DPT: variants seen among roughly 807,000 people sequenced by gnomAD.
DPT encodes tyrosine-rich acidic matrix protein.
DPT carries 21 observed loss-of-function variants against 31.2 expected under a neutral mutation model. That is an observed-to-expected ratio of 0.67 (90% CI 0.48 to 0.97). The LOEUF (loss-of-function observed/expected upper bound fraction) is 0.97. Ranked by LOEUF, DPT falls within the 50% of genes least tolerant of loss-of-function variation. The probability of loss-of-function intolerance (pLI) is 0.00; values close to 1 mark genes in which losing one functional copy is unlikely to be tolerated. For synonymous variants in DPT, 91 were observed against 86.9 expected (o/e 1.05, Z -0.26); for missense variants, 262 against 258.8 (o/e 1.01, Z -0.08).
At chr1:168,726,285 G>C (rs951601382) in intron 1 of DPT, among the ~76,000 whole-genome samples, 2 of 152,188 alleles carry the variant, frequency 1.3e-5, no homozygotes, top group Non-Finnish European at 2.9e-5. Flanking sequence ...ATAAAATCAT[G>C]TTATTTCACC....
chr1:168,700,469 C>G (rs916305356), intron 3 of DPT, among the ~76,000 whole-genome samples: 3 of 152,186 alleles, frequency 2.0e-5, no homozygotes, highest in African/African-American at 7.2e-5. Flanking sequence ...TATCTCCAAT[C>G]CCTTTTCTTT....
intron 2 of DPT, among the ~76,000 whole-genome samples, chr1:168,708,808 C>G (rs1232215200): frequency 6.6e-6 from 1 of 152,106 alleles, no homozygotes; most frequent in African/African-American, 2.4e-5. Context: ...TGTTCATGTC[C>G]CTAAAACAGC....
At chr1:168,720,079 C>G (rs1024877034) in intron 1 of DPT, among the ~76,000 whole-genome samples, 1 of 151,886 alleles carries the variant, frequency 6.6e-6, no homozygotes, top group Non-Finnish European at 1.5e-5. Context: ...GGGAAAGAGC[C>G]CTTGTTGAGG....
In DPT at chr1:168,729,176, C is replaced by T; in HGVS notation, c.-2G>A. On this transcript the variant is annotated 5_prime_UTR_variant, in exon 1 of 4. Transcript: ENST00000367817. ...TACCCAGAGAAGACTGAGGTCCATG[C>T]TGCCTGGGATTTTGGCAAACAATGT... The T allele has an allele frequency of 6.2e-7, 1 of 1,611,012 alleles. No individual in the cohort carries two copies. Among genetic ancestry groups the T allele is most frequent in the East Asian group, 2.2e-5 (1 of 44,786 alleles).
At position 168,700,114 on chromosome 1, in the gene DPT, T is replaced by C. The variant is rs927900935; in HGVS notation, c.539+903A>G. On this transcript the variant is annotated intron_variant, in intron 3 of 3. Transcript: ENST00000367817. Reference sequence around the variant, plus strand: ...AATGTTGGTGTCCCCTTAAAATTTATATATTGGAACCTAATACTCAATGTG... The same window carrying C: ...AATGTTGGTGTCCCCTTAAAATTTACATATTGGAACCTAATACTCAATGTG... Among the ~76,000 whole-genome samples, 12 of 152,236 alleles carry C rather than the reference T, an allele frequency of 7.9e-5. No homozygotes were observed. The East Asian group carries it at 1.5e-3, about 20-fold the overall frequency.
intron 2 of DPT, among the ~76,000 whole-genome samples, chr1:168,710,194 G>A (rs145140927): frequency 5.1e-4 from 78 of 152,288 alleles, no homozygotes; most frequent in African/African-American, 1.6e-3. Flanking sequence ...GTGTACCATG[G>A]TGCACACTTG....
At chr1:168,726,415 T>C (rs115208336) in intron 1 of DPT, among the ~76,000 whole-genome samples, 1,663 of 152,312 alleles carry the variant, frequency 0.011, 13 homozygotes, top group Non-Finnish European at 0.017. Context: ...AACACAAAGA[T>C]CAACAGAATG....
intron 1 of DPT, among the ~76,000 whole-genome samples, chr1:168,718,924 C>T (rs1007272267): frequency 6.6e-6 from 1 of 152,144 alleles, no homozygotes. Context: ...GATTCATAGG[C>T]CCTCCCTGAG....
intron 1 of DPT, among the ~76,000 whole-genome samples, chr1:168,722,965 T>G (rs1331217659): frequency 6.6e-6 from 1 of 152,128 alleles, no homozygotes; most frequent in African/African-American, 2.4e-5. Context: ...AATCCCCTCC[T>G]GGGAGGAGGG....
At chr1:168,697,298 G>A (rs564698773) in intron 3 of DPT, among the ~76,000 whole-genome samples, 6 of 152,034 alleles carry the variant, frequency 3.9e-5, no homozygotes, top group Non-Finnish European at 7.4e-5. Flanking sequence ...TAAAAAGTCC[G>A]TCCATTTTCC....
intron 1 of DPT, among the ~76,000 whole-genome samples, chr1:168,723,912 C>T (rs1472690878): frequency 3.1e-4 from 47 of 151,960 alleles, no homozygotes; most frequent in East Asian, 1.9e-4. Context: ...TACTCTTCAC[C>T]CAGGTTCCTC....
chr1:168,703,919 G>C (rs942246507), intron 2 of DPT, among the ~76,000 whole-genome samples: 8 of 152,194 alleles, frequency 5.3e-5, no homozygotes, highest in Admixed American at 4.6e-4. Flanking sequence ...TGATGACACT[G>C]CATGTGCACG....
chr1:168,725,610 A>G (rs1435649261), intron 1 of DPT, among the ~76,000 whole-genome samples: 2 of 152,182 alleles, frequency 1.3e-5, no homozygotes. Flanking sequence ...GGACCCAGGT[A>G]AGGCCTCCTG....
intron 2 of DPT, among the ~76,000 whole-genome samples, chr1:168,711,312 G>A (rs1272098461): frequency 6.6e-6 from 1 of 151,982 alleles, no homozygotes; most frequent in African/African-American, 2.4e-5. Context: ...GAGCCACCAT[G>A]CCCGGCCTTG....
At chr1:168,722,144 C>T (rs771903139) in intron 1 of DPT, among the ~76,000 whole-genome samples, 1 of 152,126 alleles carries the variant, frequency 6.6e-6, no homozygotes, top group Non-Finnish European at 1.5e-5. Flanking sequence ...CCAGGTCACA[C>T]AGGAATTGCA....
At chr1:168,706,665 A>G (rs577917934) in intron 2 of DPT, among the ~76,000 whole-genome samples, 1 of 152,326 alleles carries the variant, frequency 6.6e-6, no homozygotes, top group South Asian at 2.1e-4. Flanking sequence ...ACAAATGTCC[A>G]TGTCTGTCCT....
chr1:168,707,986 C>T (rs184955396), intron 2 of DPT, among the ~76,000 whole-genome samples: 2 of 152,204 alleles, frequency 1.3e-5, no homozygotes, highest in Non-Finnish European at 1.5e-5. Context: ...GATTCCAGGA[C>T]CCCCATGGAT....
chr1:168,728,729 C>T, intron 1 of DPT, 141 bp downstream of exon 1: 1 of 1,036,466 alleles, frequency 9.6e-7, no homozygotes, highest in East Asian at 2.6e-5. Flanking sequence ...CTGCTCCACC[C>T]AGAGCATGCA....
chr1:168,722,260 A>G (rs557374789), intron 1 of DPT, among the ~76,000 whole-genome samples: 1 of 152,346 alleles, frequency 6.6e-6, no homozygotes, highest in South Asian at 2.1e-4. Flanking sequence ...TTAAAATGTA[A>G]TAAATATTCA....
Sources: allele counts gnomAD v4.1 joint callset (sites outside exome capture counted in the v4.1 genomes callset), GRCh38; gene constraint gnomAD v4.1.1; transcripts MANE v1.5; gene names NCBI Gene and HGNC (gene_info 2026-07-23, HGNC 2026-07-21).